Variants in ANO10 observed in about 807,000 individuals in gnomAD.
ANO10 encodes anoctamin-10.
In ANO10, 77 loss-of-function variants were observed where a neutral mutation model predicts 74.7. That is an observed-to-expected ratio of 1.03 (90% CI 0.86 to 1.25). The LOEUF (loss-of-function observed/expected upper bound fraction) is 1.25, where lower values mean the gene tolerates loss of function less well. ANO10 is among the 50% of genes most tolerant of loss of function. ANO10 has a pLI of 0.00. For missense variants in ANO10, 721 were observed against 778.1 expected (o/e 0.93, Z 0.87); for synonymous variants, 279 against 284.9 (o/e 0.98, Z 0.21).
chr3:43,496,615 T>TA (rs1186544097), intron 11 of ANO10, among the ~76,000 whole-genome samples: 10 of 152,104 alleles, frequency 6.6e-5, no homozygotes, highest in Non-Finnish European at 1.0e-4. Context: ...CATATATATA[T>TA]TTTTTGGGGG....
chr3:43,643,683 C>CTTT (rs61487906), intron 1 of ANO10, among the ~76,000 whole-genome samples: 3 of 104,720 alleles, frequency 2.9e-5, no homozygotes, highest in East Asian at 3.0e-4. Flanking sequence ...CTCATCTTTT[C>CTTT]TTTTTTTTTT....
intron 7 of ANO10, among the ~76,000 whole-genome samples, chr3:43,566,378 G>T (rs1271294918): frequency 6.6e-6 from 1 of 152,202 alleles, no homozygotes; most frequent in Non-Finnish European, 1.5e-5. Flanking sequence ...CCACCTCTGG[G>T]GGCAGGGCAC....
chr3:43,679,419 G>C (rs143338666), intron 1 of ANO10, among the ~76,000 whole-genome samples: 83 of 152,306 alleles, frequency 5.4e-4, no homozygotes, highest in African/African-American at 1.9e-3. Context: ...GCCGAGGCTT[G>C]AGTAGGTAAA....
intron 11 of ANO10, among the ~76,000 whole-genome samples, chr3:43,440,084 C>T (rs1575809628): frequency 2.0e-5 from 3 of 149,434 alleles, no homozygotes; most frequent in Admixed American, 6.7e-5. Context: ...CAAGTTCCTA[C>T]AAAAAAAAAT....
chr3:43,687,934 T>C (rs993498200), intron 1 of ANO10, among the ~76,000 whole-genome samples: 1 of 151,834 alleles, frequency 6.6e-6, no homozygotes, highest in Non-Finnish European at 1.5e-5. Flanking sequence ...CAGGATAGAG[T>C]TGTAGGGTTC....
At chr3:43,396,672 T>TC (rs1559506652) in intron 12 of ANO10, among the ~76,000 whole-genome samples, 3 of 151,698 alleles carry the variant, frequency 2.0e-5, no homozygotes, top group Non-Finnish European at 4.4e-5. Context: ...TTCTTTTTTT[T>TC]CCCCCAGAGA....
At chr3:43,488,073 A>T (rs1298338373) in intron 11 of ANO10, among the ~76,000 whole-genome samples, 3 of 152,074 alleles carry the variant, frequency 2.0e-5, no homozygotes, top group African/African-American at 7.2e-5. Context: ...TGGGGAAAGG[A>T]TTCCCTATTT....
chr3:43,547,584 A>T (rs2079255750), intron 11 of ANO10, among the ~76,000 whole-genome samples: 2 of 152,146 alleles, frequency 1.3e-5, no homozygotes, highest in South Asian at 4.1e-4. Context: ...AAGAGACAAT[A>T]AATAAATAAA....
intron 11 of ANO10, among the ~76,000 whole-genome samples, chr3:43,504,711 C>T (rs1359980953): frequency 1.3e-5 from 2 of 151,996 alleles, no homozygotes; most frequent in Admixed American, 6.5e-5. Context: ...GGCATGATCT[C>T]GGCTCACTGC....
intron 11 of ANO10, among the ~76,000 whole-genome samples, chr3:43,529,907 T>C (rs1271105618): frequency 1.3e-5 from 2 of 152,084 alleles, no homozygotes; most frequent in South Asian, 2.1e-4. Context: ...TAAAATAATA[T>C]GATAAAGTTG....
chr3:43,368,740 G>A (rs2125667175), intron 12 of ANO10, among the ~76,000 whole-genome samples: 1 of 150,534 alleles, frequency 6.6e-6, no homozygotes, highest in Non-Finnish European at 1.5e-5. Context: ...AGGCTGGAGT[G>A]CAGAGGCGTG....
chr3:43,574,766 A>G (rs2080916489), intron 7 of ANO10, 43 bp downstream of exon 7: 2 of 1,434,552 alleles, frequency 1.4e-6, no homozygotes, highest in African/African-American at 1.4e-5. Context: ...TGTAGTATAT[A>G]CCAGTTTCAT....
In ANO10 at chr3:43,598,545, T is replaced by C. The variant is rs778421351; in HGVS notation, c.459A>G (p.Pro153=). 1.2e-6 allele frequency: 2 copies of C among 1,613,166 alleles called. No homozygotes were observed. The highest frequency in any genetic ancestry group is 2.2e-5 in the South Asian group (2 of 90,978). Residue 153 remains proline (P), a synonymous_variant, in exon 4 of 13, where the codon CCA becomes CCG. Transcript: ENST00000292246. ...IPGYPQAKLY[P]GKSLLRRLLT... ...ATAATGACTTACACAATGATTTTCC[T>C]GGATACAACTTTGCCTGAGGGTAAC...
chr3:43,500,378 C>T (rs1418299608), intron 11 of ANO10, among the ~76,000 whole-genome samples: 3 of 152,128 alleles, frequency 2.0e-5, no homozygotes, highest in Non-Finnish European at 4.4e-5. Context: ...CTGATCTTAT[C>T]AAAAGGGGTC....
At chr3:43,575,661 G>A (rs1383277092) in intron 6 of ANO10, among the ~76,000 whole-genome samples, 3 of 151,352 alleles carry the variant, frequency 2.0e-5, no homozygotes, top group East Asian at 1.9e-4. Context: ...TTTGTGAGAC[G>A]GAGTCTTGCT....
chr3:43,531,220 A>G (rs978255096), intron 11 of ANO10, among the ~76,000 whole-genome samples: 10 of 152,222 alleles, frequency 6.6e-5, no homozygotes, highest in African/African-American at 2.4e-4. Flanking sequence ...ATCTTCAAGA[A>G]CCAACCTACA....
rs189414601 is a variant in ANO10, at chr3:43,591,046, C to G, written c.472+7486G>C. Among the ~76,000 whole-genome samples the G allele has an allele frequency of 1.8e-3, 276 of 152,292 alleles. 1 individual carries two copies. Among genetic ancestry groups the G allele is most frequent in the African/African-American group, 6.3e-3 (262 of 41,556 alleles). On this transcript the variant is annotated intron_variant, in intron 4 of 12. Coordinates refer to ENST00000292246, the MANE Select transcript of ANO10 (RefSeq NM_018075.5). ...GGAGGGACAATGATCGGGATATAAA[C>G]CCAGGCATTTGAGCAGGGAGCGGCA...
intron 12 of ANO10, among the ~76,000 whole-genome samples, chr3:43,427,433 C>G (rs2092915258): frequency 6.6e-6 from 1 of 152,142 alleles, no homozygotes; most frequent in African/African-American, 2.4e-5. Context: ...ATGCACAACC[C>G]TATTTAAGGA....
chr3:43,574,934 G>A, intron 6 of ANO10, 70 bp from the exon 7 acceptor site: 3 of 1,339,228 alleles, frequency 2.2e-6, no homozygotes, highest in African/African-American at 1.4e-5. Flanking sequence ...ATGAGGTAAA[G>A]TGAGTTGCAT....
Sources: gnomAD v4.1 joint callset for allele counts (sites outside exome capture counted in the v4.1 genomes callset) on GRCh38, gnomAD v4.1.1 for gene constraint, MANE v1.5 for transcripts, NCBI Gene and HGNC (gene_info 2026-07-23, HGNC 2026-07-21) for gene names.